The following C12orf56 variants were observed in gnomAD, a reference collection of about 807,000 sequenced individuals.
The protein encoded by C12orf56 is uncharacterized protein C12orf56.
A neutral mutation model predicts 69.9 loss-of-function variants in C12orf56; 71 were observed. The ratio of observed to expected loss-of-function variants is 1.02; its 90% CI spans 0.84 to 1.24. The LOEUF is 1.24. Ranked by LOEUF, C12orf56 falls within the 50% of genes most tolerant of loss-of-function variation. C12orf56 has a pLI of 0.00. For missense variants in C12orf56, 732 were observed against 738.5 expected (o/e 0.99, Z 0.10); for synonymous variants, 276 against 274.1 (o/e 1.01, Z -0.07).
At chr12:64,314,661 C>T (rs1221872869) in intron 4 of C12orf56, among the ~76,000 whole-genome samples, 1 of 150,360 alleles carries the variant, frequency 6.7e-6, no homozygotes, top group African/African-American at 2.4e-5. Flanking sequence ...TTTTTTGAGA[C>T]GGAGTCTCGC....
rs2037905154 is a variant in C12orf56, at chr12:64,264,941, A to G, written c.*2242T>C. 1 of 152,198 alleles carries G rather than the reference A, an allele frequency of 6.6e-6. No individual in the cohort carries two copies. Among genetic ancestry groups the G allele is most frequent in the Non-Finnish European group, 1.5e-5 (1 of 68,044 alleles). The allele number at this position is 152,198 out of a possible 1,614,324, so 9.4% of individuals were successfully genotyped here. On this transcript the variant is annotated 3_prime_UTR_variant, in exon 13 of 13. Transcript: ENST00000543942. ...AAGATTCAGATATATTTTGACAGAGATTTTGCTCCCAGAGATTAAAGTAAG... is the reference window on the plus strand; with the variant it reads ...AAGATTCAGATATATTTTGACAGAGGTTTTGCTCCCAGAGATTAAAGTAAG...
At chr12:64,303,214 C>T (rs997991838) in intron 6 of C12orf56, among the ~76,000 whole-genome samples, 5 of 151,700 alleles carry the variant, frequency 3.3e-5, no homozygotes, top group African/African-American at 1.2e-4. Context: ...GCAGAGGTTG[C>T]AGTGAGCTGA....
At chr12:64,313,334 TA>T (rs1365365140) in intron 4 of C12orf56, among the ~76,000 whole-genome samples, 3 of 147,440 alleles carry the variant, frequency 2.0e-5, no homozygotes, top group Middle Eastern at 3.5e-3. Flanking sequence ...TTAGATAAAG[TA>T]AAATATAAAA....
At chr12:64,331,933 G>T (rs901340255) in intron 2 of C12orf56, among the ~76,000 whole-genome samples, 2 of 149,404 alleles carry the variant, frequency 1.3e-5, no homozygotes, top group Non-Finnish European at 3.0e-5. Context: ...TACCATGAGG[G>T]TTCTTATCCT....
At position 64,277,697 on chromosome 12, in the gene C12orf56, T is replaced by C; in HGVS notation, c.1417A>G (p.Met473Val). ...CATCTCACCTCAGCGTCAAAAGACA[T>C]TCTGACTAAAGCTGAATCAGCCACC... ...QLVADSALVRMSFDAELQKLI... is the reference protein window; with the variant it reads ...QLVADSALVRVSFDAELQKLI... Residue 473 changes from methionine (M) to valine (V), a missense_variant, in exon 9 of 13, where the codon ATG becomes GTG. By Grantham distance (21) the Met-to-Val change is conservative (BLOSUM62 1). Coordinates refer to ENST00000543942, the MANE Select transcript of C12orf56 (RefSeq NM_001170633.2). 1 of 1,573,822 alleles carries C rather than the reference T, an allele frequency of 6.4e-7. No individual in the cohort carries two copies. The highest frequency in any genetic ancestry group is 8.6e-7 in the Non-Finnish European group (1 of 1,157,982).
intron 4 of C12orf56, 79 bp from the exon 5 acceptor site, chr12:64,312,831 G>C: frequency 9.6e-7 from 1 of 1,043,946 alleles, no homozygotes; most frequent in Middle Eastern, 2.1e-4. Context: ...TCAATGTTAT[G>C]TATCTATTCT....
chr12:64,336,099 C>T (rs922817002), intron 2 of C12orf56, among the ~76,000 whole-genome samples: 14 of 152,028 alleles, frequency 9.2e-5, no homozygotes, highest in Admixed American at 9.2e-4. Context: ...ACCACTGGGG[C>T]CCTAGATATA....
intron 1 of C12orf56, among the ~76,000 whole-genome samples, chr12:64,369,546 A>G (rs2135971485): frequency 6.6e-6 from 1 of 152,288 alleles, no homozygotes; most frequent in Non-Finnish European, 1.5e-5. Flanking sequence ...TATCTAATTC[A>G]AAGACCACTG....
At chr12:64,307,207 C>T (rs1010136976) in intron 5 of C12orf56, among the ~76,000 whole-genome samples, 14 of 151,968 alleles carry the variant, frequency 9.2e-5, no homozygotes, top group African/African-American at 3.1e-4. Context: ...AAATTTTAAG[C>T]TATCCATATA....
intron 3 of C12orf56, among the ~76,000 whole-genome samples, chr12:64,325,143 G>C (rs17223144): frequency 0.057 from 8,696 of 152,174 alleles, 385 homozygotes; most frequent in East Asian, 0.17. Context: ...TTCCAGGTCA[G>C]CTTTATTTCC....
intron 12 of C12orf56, among the ~76,000 whole-genome samples, chr12:64,268,441 G>GA (rs35625832): frequency 6.2e-5 from 1 of 16,168 alleles, no homozygotes; most frequent in Non-Finnish European, 3.2e-4. Flanking sequence ...TAAGCTCAGT[G>GA]AAGTCAGACA....
chr12:64,377,378 G>A (rs1478217191), intron 1 of C12orf56, among the ~76,000 whole-genome samples: 5 of 151,720 alleles, frequency 3.3e-5, no homozygotes, highest in Admixed American at 2.0e-4. Context: ...TAGTAGAGGC[G>A]GGGTTTCATC....
At chr12:64,353,791 C>T (rs1008952004) in intron 1 of C12orf56, among the ~76,000 whole-genome samples, 3 of 152,182 alleles carry the variant, frequency 2.0e-5, no homozygotes, top group East Asian at 1.9e-4. Flanking sequence ...AAGCAATTCT[C>T]GTGCCTCAGC....
chr12:64,390,559 T>A lies in C12orf56; in HGVS notation c.7A>T (p.Ser3Cys). Residue 3 changes from serine (S) to cysteine (C), a missense_variant, in exon 1 of 13, where the codon AGC (serine) becomes TGC (cysteine). By Grantham distance (112) the Ser-to-Cys change is moderately radical (BLOSUM62 -1). Transcript: ENST00000543942. The part of the protein sequence containing the change: MA[S>C]PLPSGFPARR... Reference sequence around the variant, plus strand: ...GCGGGGAAGCCGGACGGCAAGGGGCTGGCCATGCCCGGCGCCCGCAGCGTG... The same window carrying A: ...GCGGGGAAGCCGGACGGCAAGGGGCAGGCCATGCCCGGCGCCCGCAGCGTG... 1 of 1,577,194 alleles carries A rather than the reference T, an allele frequency of 6.3e-7. No individual in the cohort carries two copies. Among genetic ancestry groups the A allele is most frequent in the Non-Finnish European group, 8.6e-7 (1 of 1,167,466 alleles).
At chr12:64,351,870 G>GAAA (rs34411804) in intron 2 of C12orf56, among the ~76,000 whole-genome samples, 59,553 of 146,988 alleles carry the variant, frequency 0.41, 12,631 homozygotes, top group Non-Finnish European at 0.48. Flanking sequence ...GACTCCTTTG[G>GAAA]AAAAAAAAAA....
At chr12:64,268,987 T>G (rs2037946706) in intron 12 of C12orf56, among the ~76,000 whole-genome samples, 1 of 151,942 alleles carries the variant, frequency 6.6e-6, no homozygotes, top group Admixed American at 6.6e-5. Context: ...AATACAAAAA[T>G]TAGCTAGGCG....
At position 64,265,076 on chromosome 12, in the gene C12orf56, C is replaced by T. The variant is rs1332942561; in HGVS notation, c.*2107G>A. 2.0e-5 allele frequency: 3 copies of T among 152,174 alleles called. No individual in the cohort carries two copies. Among genetic ancestry groups the T allele is most frequent in the East Asian group, 1.9e-4 (1 of 5,200 alleles). 9.4% of individuals were successfully genotyped at this position (152,174 alleles called of 1,614,324 possible). A position where few individuals can be genotyped will look rare whatever the true frequency, so the allele number is the denominator to read the frequency against. On this transcript the variant is annotated 3_prime_UTR_variant, in exon 13 of 13. Coordinates refer to ENST00000543942, the MANE Select transcript of C12orf56 (RefSeq NM_001170633.2). ...CTACTAGCCCAGATCCAGGGCACTG[C>T]GGAGAAGCTAAGGCAGAGCTGAGTT...
chr12:64,337,864 A>AAAAC (rs1462962963), intron 2 of C12orf56, among the ~76,000 whole-genome samples: 2 of 151,816 alleles, frequency 1.3e-5, no homozygotes, highest in Non-Finnish European at 2.9e-5. Context: ...CAAAAAAAAA[A>AAAAC]AAAAAAAAAA....
chr12:64,295,835 CTCTA>C (rs1403225682), intron 6 of C12orf56, among the ~76,000 whole-genome samples: 1 of 150,910 alleles, frequency 6.6e-6, no homozygotes, highest in Non-Finnish European at 1.5e-5. Context: ...ATATATATCA[CTCTA>C]TATTATAGCG....
Sources: gnomAD v4.1 joint callset for allele counts (sites outside exome capture counted in the v4.1 genomes callset) on GRCh38, gnomAD v4.1.1 for gene constraint, MANE v1.5 for transcripts, NCBI Gene and HGNC (gene_info 2026-07-23, HGNC 2026-07-21) for gene names.